Variants in ST6GAL1 observed in about 807,000 individuals in gnomAD.
ST6GAL1 encodes the protein ST6 beta-galactoside alpha-2,6-sialyltransferase 1.
In ST6GAL1, 20 loss-of-function variants were observed where a neutral mutation model predicts 38.0. The ratio of observed to expected loss-of-function variants is 0.53; its 90% CI spans 0.37 to 0.77. The LOEUF (loss-of-function observed/expected upper bound fraction) is 0.77, where lower values mean the gene tolerates loss of function less well. Ranked by LOEUF, ST6GAL1 falls within the 30% of genes least tolerant of loss-of-function variation. ST6GAL1 has a pLI of 0.00. For synonymous variants in ST6GAL1, 196 were observed against 188.2 expected (o/e 1.04, Z -0.34); for missense variants, 432 against 496.4 (o/e 0.87, Z 1.23).
At position 187,042,882 on chromosome 3, in the gene ST6GAL1, C is replaced by T. The variant is rs749074261; in HGVS notation, c.179C>T (p.Ser60Phe). Residue 60 changes from serine (S) to phenylalanine (F), a missense_variant, in exon 4 of 8, where the codon TCC (serine) becomes TTC (phenylalanine). By Grantham distance (155) the Ser-to-Phe change is radical. Coordinates refer to ENST00000169298, the MANE Select transcript of ST6GAL1 (RefSeq NM_173216.2). Reference protein sequence around the residue: ...SLGKLAMGSDSQSVSSSSTQD... With the variant: ...SLGKLAMGSDFQSVSSSSTQD... ...GGGAAATTGGCCATGGGGTCTGATT[C>T]CCAGTCTGTATCCTCAAGCAGCACC... 2 of 1,614,144 alleles carry T rather than the reference C, an allele frequency of 1.2e-6. No individual in the cohort carries two copies. Among genetic ancestry groups the T allele is most frequent in the African/African-American group, 1.3e-5 (1 of 75,032 alleles).
chr3:187,050,076 C>T (rs924786383), intron 4 of ST6GAL1, among the ~76,000 whole-genome samples: 2 of 152,164 alleles, frequency 1.3e-5, no homozygotes, highest in Admixed American at 6.5e-5. Context: ...AGGTTTAGTA[C>T]ATACATTGGA....
chr3:187,011,861 T>A (rs918654779), intron 2 of ST6GAL1, among the ~76,000 whole-genome samples: 2 of 152,216 alleles, frequency 1.3e-5, no homozygotes, highest in Admixed American at 1.3e-4. Context: ...AAATTGCTAA[T>A]GGTATTTATT....
intron 2 of ST6GAL1, among the ~76,000 whole-genome samples, chr3:186,972,249 T>G (rs1417068302): frequency 6.6e-6 from 1 of 150,620 alleles, no homozygotes; most frequent in Admixed American, 6.6e-5. Flanking sequence ...CTTTCTTACT[T>G]TCTTTTTTTT....
Position 187,077,974 on chromosome 3 carries a change from T to C in ST6GAL1, c.*2171T>C, listed in dbSNP as rs11554720. The C allele has an allele frequency of 7.2e-3, 1,096 of 152,734 alleles. 14 individuals carry two copies. Among genetic ancestry groups the C allele is most frequent in the South Asian group, 0.021 (103 of 4,818 alleles). 9.5% of individuals were successfully genotyped at this position (152,734 alleles called of 1,614,324 possible). On this transcript the variant is annotated 3_prime_UTR_variant, in exon 8 of 8. Coordinates refer to ENST00000169298, the MANE Select transcript of ST6GAL1 (RefSeq NM_173216.2). Reference sequence around the variant, plus strand: ...GGAATGGGCGGAGCACGTGGGCTGCTTAACTGCTGTATAGGACAAGCCCCT... The same window carrying C: ...GGAATGGGCGGAGCACGTGGGCTGCCTAACTGCTGTATAGGACAAGCCCCT...
At chr3:187,053,361 G>C (rs558801613) in intron 5 of ST6GAL1, among the ~76,000 whole-genome samples, 1 of 152,164 alleles carries the variant, frequency 6.6e-6, no homozygotes, top group East Asian at 1.9e-4. Flanking sequence ...TTTTAGTCAT[G>C]AAGTCCTTGC....
At chr3:187,065,840 C>G (rs1719089507) in intron 5 of ST6GAL1, among the ~76,000 whole-genome samples, 1 of 152,282 alleles carries the variant, frequency 6.6e-6, no homozygotes, top group African/African-American at 2.4e-5. Context: ...GTCTTACATG[C>G]CTTCTCTCAT....
intron 2 of ST6GAL1, among the ~76,000 whole-genome samples, chr3:187,035,330 A>G (rs1016438076): frequency 2.6e-5 from 4 of 152,228 alleles, no homozygotes; most frequent in Admixed American, 1.3e-4. Flanking sequence ...ACACTGCCCA[A>G]AGCAATCTGT....
intron 5 of ST6GAL1, among the ~76,000 whole-genome samples, chr3:187,064,001 G>A (rs1017380765): frequency 2.6e-5 from 4 of 152,104 alleles, no homozygotes; most frequent in African/African-American, 7.2e-5. Flanking sequence ...GTAGCGATGG[G>A]CACTACTGAA....
At chr3:186,971,459 C>G (rs1715347112) in intron 2 of ST6GAL1, among the ~76,000 whole-genome samples, 1 of 152,174 alleles carries the variant, frequency 6.6e-6, no homozygotes, top group Admixed American at 6.5e-5. Flanking sequence ...TTGTGTTTCC[C>G]TAACAGCTGG....
Position 187,075,696 on chromosome 3 carries a change from C to T in ST6GAL1, c.1114C>T (p.Leu372=), listed in dbSNP as rs774870084. 1.1e-5 allele frequency: 18 copies of T among 1,614,246 alleles called. No individual in the cohort carries two copies. The highest frequency in any genetic ancestry group is 1.5e-5 in the Non-Finnish European group (18 of 1,180,038). The change falls in exon 8 of 8, where the codon CTG becomes TTG. Residue 372 remains leucine (L), a synonymous_variant. Coordinates refer to ENST00000169298, the MANE Select transcript of ST6GAL1 (RefSeq NM_173216.2). This position sits in a 1 kb window ranked among gnomAD's most constrained non-coding sequence, Gnocchi z 4.1. ...CTGCACGATGGGTGCCTACCACCCG[C>T]TGCTCTATGAGAAGAATTTGGTGAA... ...SACTMGAYHP[L]LYEKNLVKHL...
At chr3:186,986,084 C>T (rs555197104) in intron 2 of ST6GAL1, among the ~76,000 whole-genome samples, 1 of 152,256 alleles carries the variant, frequency 6.6e-6, no homozygotes, top group South Asian at 2.1e-4. Flanking sequence ...ATTTGAGGAA[C>T]CAGTAGAAAG....
intron 2 of ST6GAL1, among the ~76,000 whole-genome samples, chr3:186,966,513 C>T (rs552385196): frequency 1.3e-5 from 2 of 152,338 alleles, no homozygotes; most frequent in African/African-American, 4.8e-5. Context: ...CACTTGCCCA[C>T]GTGGTAGTTC....
chr3:186,991,939 G>T (rs937184634), intron 2 of ST6GAL1, among the ~76,000 whole-genome samples: 2 of 152,062 alleles, frequency 1.3e-5, no homozygotes, highest in Non-Finnish European at 2.9e-5. Flanking sequence ...CATCTCTGGG[G>T]TTATCTCCAA....
At chr3:187,066,277 G>A (rs558451524) in intron 5 of ST6GAL1, among the ~76,000 whole-genome samples, 4 of 152,226 alleles carry the variant, frequency 2.6e-5, no homozygotes, top group Non-Finnish European at 5.9e-5. Context: ...CTAGTTCTCC[G>A]AATCAGAGAA....
intron 2 of ST6GAL1, among the ~76,000 whole-genome samples, chr3:186,964,718 C>T (rs6807292): frequency 0.15 from 23,135 of 152,118 alleles, 3,101 homozygotes; most frequent in African/African-American, 0.36. Context: ...AAACTGACCA[C>T]GATGGGGAAA....
At chr3:187,047,631 C>G (rs974966930) in intron 4 of ST6GAL1, among the ~76,000 whole-genome samples, 2 of 152,100 alleles carry the variant, frequency 1.3e-5, no homozygotes, top group African/African-American at 4.8e-5. Context: ...GCCTTTCCCC[C>G]TCGCTAGGCT....
At chr3:187,067,394 CTTTTTT>C (rs3055154) in intron 5 of ST6GAL1, among the ~76,000 whole-genome samples, 3 of 114,128 alleles carry the variant, frequency 2.6e-5, no homozygotes, top group African/African-American at 1.0e-4. Context: ...GCAAGGCAAC[CTTTTTT>C]TTTTTTTTTT....
chr3:187,066,791 A>G (rs1719158919), intron 5 of ST6GAL1, among the ~76,000 whole-genome samples: 1 of 152,072 alleles, frequency 6.6e-6, no homozygotes, highest in Admixed American at 6.6e-5. Context: ...CCAATGACTT[A>G]TTCTCAGCAT....
rs143396601 is a variant in ST6GAL1 at position 187,030,119 on chromosome 3, A to G, written c.-182-8623A>G. On this transcript the variant is annotated intron_variant, in intron 2 of 7. Transcript: ENST00000169298. ...GGACTAGAATATCCTAAAAGTGGAT[A>G]TTAATATCACAAGGAGTTATGATAG... Among the ~76,000 whole-genome samples, 452 of 152,352 alleles carry G rather than the reference A, an allele frequency of 3.0e-3. 3 individuals are homozygous for G. Among genetic ancestry groups the G allele is most frequent in the Non-Finnish European group, 4.3e-3 (295 of 68,030 alleles).
Sources: allele counts gnomAD v4.1 joint callset (sites outside exome capture counted in the v4.1 genomes callset), GRCh38; gene constraint gnomAD v4.1.1; non-coding constraint Gnocchi (gnomAD v3.1); transcripts MANE v1.5; gene names NCBI Gene and HGNC (gene_info 2026-07-23, HGNC 2026-07-21).